PKHD1: variants seen among roughly 807,000 people sequenced by gnomAD.
PKHD1 encodes fibrocystin.
PKHD1 carries 291 observed loss-of-function variants against 412.0 expected under a neutral mutation model. That is an observed-to-expected ratio of 0.71 (90% CI 0.64 to 0.78). The LOEUF is 0.78. Among genes scored for constraint, PKHD1 ranks in the 30% least tolerant of loss-of-function variants. The probability of loss-of-function intolerance (pLI) is 0.00; values close to 1 mark genes in which losing one functional copy is unlikely to be tolerated. For missense variants in PKHD1, 4,825 were observed against 4,950.7 expected, an observed-to-expected ratio of 0.97 and a Z score of 0.76; for synonymous variants, 1,777 against 1,821.5, an observed-to-expected ratio of 0.98 and a Z score of 0.62.
intron 62 of PKHD1, 92 bp downstream of exon 62, chr6:51,648,993 A>T: frequency 2.4e-6 from 3 of 1,237,948 alleles, no homozygotes; most frequent in Non-Finnish European, 3.6e-6. Flanking sequence ...CACTCTGTAA[A>T]TGTGTATCAA....
intron 52 of PKHD1, among the ~76,000 whole-genome samples, chr6:51,792,413 T>C (rs566564192): frequency 2.2e-4 from 34 of 152,362 alleles, no homozygotes; most frequent in African/African-American, 7.7e-4. Context: ...CTTGCTCTTC[T>C]TAAGGACATG....
At position 51,736,301 on chromosome 6, in the gene PKHD1, T is replaced by C. The variant is rs531615834; in HGVS notation, c.10156+8084A>G. 3.9e-5 allele frequency among the ~76,000 whole-genome samples: 6 copies of C among 152,332 alleles called. No homozygotes were observed. In the East Asian group the frequency reaches 7.7e-4, roughly 20 times the overall value. On this transcript the variant is annotated intron_variant, in intron 60 of 66. Transcript: ENST00000371117. ...TTTTATAGATCACACATGAAAATCA[T>C]TCCAACTCACAGCATGGACTACTTT... is the stretch of plus-strand genomic sequence containing the variant.
At chr6:52,081,972 G>A (rs565313254) in intron 4 of PKHD1, among the ~76,000 whole-genome samples, 36 of 152,194 alleles carry the variant, frequency 2.4e-4, no homozygotes, top group African/African-American at 8.7e-4. Flanking sequence ...TCTAAATAGA[G>A]GTAATGTCAA....
At chr6:51,793,635 G>A (rs1286390054) in intron 52 of PKHD1, among the ~76,000 whole-genome samples, 1 of 152,186 alleles carries the variant, frequency 6.6e-6, no homozygotes, top group Non-Finnish European at 1.5e-5. Flanking sequence ...CTGTTCCCGT[G>A]TTAGGTTGCT....
At chr6:52,060,180 A>G in intron 14 of PKHD1, 138 bp from the exon 15 acceptor site, 1 of 676,326 alleles carries the variant, frequency 1.5e-6, no homozygotes, top group South Asian at 1.5e-5. Flanking sequence ...ACAATTGTCC[A>G]GAATATTCTA....
intron 36 of PKHD1, among the ~76,000 whole-genome samples, chr6:51,954,228 T>C (rs938889802): frequency 5.3e-5 from 8 of 152,064 alleles, no homozygotes; most frequent in Non-Finnish European, 1.2e-4. Context: ...AAAACATCCA[T>C]ACGAGACAGG....
chr6:51,866,409 T>C (rs1775068523), intron 48 of PKHD1, among the ~76,000 whole-genome samples: 1 of 152,166 alleles, frequency 6.6e-6, no homozygotes, highest in African/African-American at 2.4e-5. Flanking sequence ...GTATCAGTAT[T>C]ACATTTTTCT....
chr6:51,776,741 A>C (rs1791086291), intron 53 of PKHD1, among the ~76,000 whole-genome samples: 1 of 152,094 alleles, frequency 6.6e-6, no homozygotes, highest in Non-Finnish European at 1.5e-5. Flanking sequence ...TTAACAGATA[A>C]GAGGTTATTT....
intron 59 of PKHD1, among the ~76,000 whole-genome samples, chr6:51,745,494 G>A (rs551056448): frequency 5.7e-4 from 86 of 152,184 alleles, no homozygotes; most frequent in Non-Finnish European, 1.0e-3. Context: ...TTCACCAGAC[G>A]CCTATTATGC....
intron 60 of PKHD1, among the ~76,000 whole-genome samples, chr6:51,736,962 T>A (rs922259325): frequency 1.3e-5 from 2 of 152,326 alleles, no homozygotes; most frequent in Admixed American, 6.5e-5. Context: ...TCCCCATTAT[T>A]CAGTTAGAAA....
intron 54 of PKHD1, among the ~76,000 whole-genome samples, chr6:51,774,813 A>G (rs58139647): frequency 0.18 from 27,872 of 151,572 alleles, 3,364 homozygotes; most frequent in African/African-American, 0.34. Flanking sequence ...AGGAAAAATG[A>G]CTTACTTGAA....
intron 63 of PKHD1, among the ~76,000 whole-genome samples, chr6:51,640,250 G>A (rs1053374257): frequency 3.9e-5 from 6 of 152,238 alleles, no homozygotes; most frequent in South Asian, 4.1e-4. Context: ...GCATTTAATC[G>A]AAATGTGTCC....
chr6:51,927,348 A>G (rs1478463460), intron 37 of PKHD1, among the ~76,000 whole-genome samples: 1 of 152,120 alleles, frequency 6.6e-6, no homozygotes, highest in Non-Finnish European at 1.5e-5. Flanking sequence ...ACCCCACATT[A>G]TAGGGAAGCC....
At chr6:52,081,995 G>A (rs1244315979) in intron 4 of PKHD1, among the ~76,000 whole-genome samples, 1 of 152,076 alleles carries the variant, frequency 6.6e-6, no homozygotes, top group Admixed American at 6.5e-5. Flanking sequence ...TCAGCAAACA[G>A]AGCCTAAAGC....
Position 52,017,641 on chromosome 6 carries a change from A to T in PKHD1, c.5381-12T>A. On this transcript the variant is annotated splice_polypyrimidine_tract_variant and intron_variant, in intron 33 of 66. Coordinates refer to ENST00000371117, the MANE Select transcript of PKHD1 (RefSeq NM_138694.4). ...GAAGGCCAAGGACACTGCAGGAAAC[A>T]GTCACCATTAGGAAAGAACCACAGA... 1 of 1,603,866 alleles carries T rather than the reference A, an allele frequency of 6.2e-7. No homozygotes were observed. The highest frequency in any genetic ancestry group is 8.5e-7 in the Non-Finnish European group (1 of 1,171,728).
intron 66 of PKHD1, chr6:51,621,775 T>C (rs1177157607): frequency 1.3e-5 from 2 of 152,162 alleles, no homozygotes; most frequent in African/African-American, 2.4e-5. Flanking sequence ...ACATTATGTG[T>C]CAGCGCCGAC....
intron 52 of PKHD1, among the ~76,000 whole-genome samples, chr6:51,822,398 T>C (rs1229516446): frequency 2.6e-5 from 4 of 152,194 alleles, no homozygotes; most frequent in African/African-American, 9.6e-5. Context: ...TCCATCATCG[T>C]GGTATTGCTC....
At chr6:51,854,327 G>C (rs1583045555) in intron 49 of PKHD1, among the ~76,000 whole-genome samples, 1 of 152,180 alleles carries the variant, frequency 6.6e-6, no homozygotes, top group East Asian at 1.9e-4. Flanking sequence ...CTGACCTCGA[G>C]GGGCACCAAC....
At chr6:51,797,410 C>T (rs1470116606) in intron 52 of PKHD1, among the ~76,000 whole-genome samples, 2 of 152,090 alleles carry the variant, frequency 1.3e-5, no homozygotes, top group Non-Finnish European at 2.9e-5. Flanking sequence ...GTTAAAGTCT[C>T]ACACTATTAT....
Sources: allele counts gnomAD v4.1 joint callset (sites outside exome capture counted in the v4.1 genomes callset), GRCh38; gene constraint gnomAD v4.1.1; transcripts MANE v1.5; gene names NCBI Gene and HGNC (gene_info 2026-07-23, HGNC 2026-07-21).